VAV1: variants seen among roughly 807,000 people sequenced by gnomAD.
The protein encoded by VAV1 is vav guanine nucleotide exchange factor 1, also known as proto-oncogene vav.
Under a neutral mutation model 128.1 loss-of-function variants are expected in VAV1, and 33 were observed. That is an observed-to-expected ratio of 0.26 (90% CI 0.20 to 0.34). The LOEUF (loss-of-function observed/expected upper bound fraction) is 0.34, where lower values mean the gene tolerates loss of function less well. Ranked by LOEUF, VAV1 falls within the 10% of genes least tolerant of loss-of-function variation. The pLI is 1.00. For missense variants in VAV1, 715 were observed against 1,093.7 expected (o/e 0.65, Z 4.88); for synonymous variants, 394 against 409.8 (o/e 0.96, Z 0.47).
intron 1 of VAV1, among the ~76,000 whole-genome samples, chr19:6,796,188 C>T (rs1384293098): frequency 1.3e-5 from 2 of 152,184 alleles, no homozygotes; most frequent in African/African-American, 4.8e-5. Flanking sequence ...ACCATAGCAG[C>T]GTTTAAGCAC....
In VAV1 at chr19:6,828,666, A is replaced by G. The variant is rs372907021; in HGVS notation, c.1137A>G (p.Thr379=). 41 of 1,614,036 alleles carry G rather than the reference A, an allele frequency of 2.5e-5. No individual in the cohort carries two copies. The highest frequency in any genetic ancestry group is 3.1e-5 in the Non-Finnish European group (37 of 1,180,034). Residue 379 remains threonine (T), a synonymous_variant, in exon 12 of 27, where the codon ACA becomes ACG. Transcript: ENST00000602142. The surrounding 1 kb of genome is among the most constrained non-coding windows in gnomAD (Gnocchi z 4.5). ...ACGAGGTCAAGCGAGACAACGAGAC[A>G]CTGCGACAGATCACCAATTTCCAGC... ...CVNEVKRDNE[T]LRQITNFQLS... is the part of the protein sequence containing the mutation.
chr19:6,795,579 A>G (rs1971114778), intron 1 of VAV1, among the ~76,000 whole-genome samples: 1 of 152,022 alleles, frequency 6.6e-6, no homozygotes, highest in South Asian at 2.1e-4. Flanking sequence ...TGGTCTGAGA[A>G]CTGATGATAC....
intron 1 of VAV1, among the ~76,000 whole-genome samples, chr19:6,792,573 G>T (rs1971040868): frequency 6.6e-6 from 1 of 151,878 alleles, no homozygotes. Context: ...TTTCTGTTTT[G>T]TTTTGTTTTG....
At chr19:6,819,022 A>G (rs758273207) in intron 1 of VAV1, among the ~76,000 whole-genome samples, 1 of 152,128 alleles carries the variant, frequency 6.6e-6, no homozygotes, top group Non-Finnish European at 1.5e-5. Flanking sequence ...AGGCTGAGAC[A>G]GGAGAATTGC....
At chr19:6,798,659 T>TCCCCC (rs113208165) in intron 1 of VAV1, among the ~76,000 whole-genome samples, 2 of 145,328 alleles carry the variant, frequency 1.4e-5, no homozygotes, top group African/African-American at 5.2e-5. Context: ...TTTCTCCCCT[T>TCCCCC]CCCCCCCCCA....
intron 1 of VAV1, among the ~76,000 whole-genome samples, chr19:6,776,907 G>A (rs944841989): frequency 3.9e-5 from 6 of 151,964 alleles, no homozygotes; most frequent in Admixed American, 6.6e-5. Flanking sequence ...ACAGGCACCC[G>A]CCACCACGCC....
At chr19:6,782,851 C>G (rs1970793854) in intron 1 of VAV1, among the ~76,000 whole-genome samples, 1 of 151,406 alleles carries the variant, frequency 6.6e-6, no homozygotes, top group African/African-American at 2.4e-5. Context: ...CCGCTGCAGT[C>G]CAGCCCGGGT....
At chr19:6,834,186 A>G (rs563944179) in intron 19 of VAV1, among the ~76,000 whole-genome samples, 1 of 151,960 alleles carries the variant, frequency 6.6e-6, no homozygotes, top group South Asian at 2.1e-4. Context: ...AGGTCTTGCT[A>G]CGTTGCCCAG....
At chr19:6,786,136 G>A (rs1168498891) in intron 1 of VAV1, among the ~76,000 whole-genome samples, 1 of 152,094 alleles carries the variant, frequency 6.6e-6, no homozygotes, top group Non-Finnish European at 1.5e-5. Context: ...CAAATGTCAA[G>A]GCAAGGATTT....
chr19:6,796,541 T>G (rs2144722978), intron 1 of VAV1, among the ~76,000 whole-genome samples: 1 of 152,286 alleles, frequency 6.6e-6, no homozygotes, highest in East Asian at 1.9e-4. Flanking sequence ...CCTGAAATGC[T>G]TTTTTCTCAG....
At chr19:6,816,329 T>G (rs1368800267) in intron 1 of VAV1, 1 of 152,060 alleles carries the variant, frequency 6.6e-6, no homozygotes, top group Admixed American at 6.5e-5. Flanking sequence ...TACAAAAACA[T>G]TTTTAAAATT....
intron 21 of VAV1, among the ~76,000 whole-genome samples, chr19:6,838,316 TATCTATC>T (rs1972277580): frequency 4.0e-5 from 6 of 151,008 alleles, no homozygotes; most frequent in Non-Finnish European, 8.8e-5. Flanking sequence ...TCTATCTATC[TATCTATC>T]TATCTATCTA....
At chr19:6,832,885 C>G (rs1212394984) in intron 15 of VAV1, among the ~76,000 whole-genome samples, 2 of 152,136 alleles carry the variant, frequency 1.3e-5, no homozygotes, top group Non-Finnish European at 2.9e-5. Context: ...CAACCATCAC[C>G]TCTATCCAGT....
At chr19:6,834,827 G>A (rs1972180590) in intron 19 of VAV1, among the ~76,000 whole-genome samples, 1 of 151,030 alleles carries the variant, frequency 6.6e-6, no homozygotes, top group Admixed American at 6.6e-5. Flanking sequence ...TATAACATAA[G>A]TCAGGTGTGG....
At chr19:6,790,077 C>CT (rs906476723) in intron 1 of VAV1, among the ~76,000 whole-genome samples, 1 of 152,172 alleles carries the variant, frequency 6.6e-6, no homozygotes, top group African/African-American at 2.4e-5. Context: ...ACTCGAGAGG[C>CT]TGAGGCAGAA....
At chr19:6,789,593 C>CTTCCT (rs559220122) in intron 1 of VAV1, among the ~76,000 whole-genome samples, 4 of 149,990 alleles carry the variant, frequency 2.7e-5, no homozygotes, top group African/African-American at 9.9e-5. Context: ...TTTTCTTTCC[C>CTTCCT]TCCTTCCTTC....
intron 1 of VAV1, among the ~76,000 whole-genome samples, chr19:6,801,909 C>T (rs2144732271): frequency 6.6e-6 from 1 of 152,242 alleles, no homozygotes; most frequent in Non-Finnish European, 1.5e-5. Flanking sequence ...GGGTTCACCG[C>T]AGTGCGCCTG....
At chr19:6,855,559 C>A (rs1000246728) in intron 26 of VAV1, among the ~76,000 whole-genome samples, 1 of 152,136 alleles carries the variant, frequency 6.6e-6, no homozygotes, top group African/African-American at 2.4e-5. Flanking sequence ...ATCTATCCAC[C>A]TACCCACCCA....
intron 1 of VAV1, among the ~76,000 whole-genome samples, chr19:6,790,732 T>C (rs1027855977): frequency 1.3e-5 from 2 of 152,224 alleles, no homozygotes; most frequent in African/African-American, 4.8e-5. Flanking sequence ...GAGTAGCAGC[T>C]CAGAGGCAGT....
Sources: gnomAD v4.1 joint callset for allele counts (sites outside exome capture counted in the v4.1 genomes callset) on GRCh38, gnomAD v4.1.1 for gene constraint, Gnocchi (gnomAD v3.1) non-coding constraint, MANE v1.5 for transcripts, NCBI Gene and HGNC (gene_info 2026-07-23, HGNC 2026-07-21) for gene names.